Variants in NRG3 observed in about 807,000 individuals in gnomAD.
NRG3 encodes neuregulin 3.
Under a neutral mutation model 66.9 loss-of-function variants are expected in NRG3, and 31 were observed. That is an observed-to-expected ratio of 0.46 (90% CI 0.35 to 0.63). NRG3 has a LOEUF of 0.63. NRG3 is among the 20% of genes least tolerant of loss of function. The pLI is 0.00. For missense variants in NRG3, 910 were observed against 878.9 expected (o/e 1.04, Z -0.45); for synonymous variants, 393 against 359.4 (o/e 1.09, Z -1.06).
chr10:82,330,960 G>T (rs943208591), intron 1 of NRG3, among the ~76,000 whole-genome samples: 1 of 152,114 alleles, frequency 6.6e-6, no homozygotes, highest in Non-Finnish European at 1.5e-5. Context: ...TTTCTCTGCT[G>T]CTTCCTGGCT....
chr10:82,917,037 A>G (rs1319437309), intron 4 of NRG3, among the ~76,000 whole-genome samples: 1 of 152,222 alleles, frequency 6.6e-6, no homozygotes, highest in South Asian at 2.1e-4. Flanking sequence ...ACACATTGGG[A>G]AAGTTTCCAT....
At chr10:81,949,379 G>A (rs531271646) in intron 1 of NRG3, among the ~76,000 whole-genome samples, 1 of 152,240 alleles carries the variant, frequency 6.6e-6, no homozygotes, top group Admixed American at 6.5e-5. Context: ...AGAACAAGTG[G>A]GTAATCCTTA....
At chr10:82,830,649 A>C (rs2062470550) in intron 3 of NRG3, among the ~76,000 whole-genome samples, 2 of 152,168 alleles carry the variant, frequency 1.3e-5, no homozygotes, top group South Asian at 4.1e-4. Flanking sequence ...AGGCTCAAAA[A>C]CGACTGCACA....
chr10:82,300,625 C>T (rs754298670), intron 1 of NRG3, among the ~76,000 whole-genome samples: 34 of 152,102 alleles, frequency 2.2e-4, no homozygotes, highest in Non-Finnish European at 4.7e-4. Context: ...GCCCTGTTTG[C>T]CGTCACCACA....
chr10:82,447,159 T>C (rs929775182), intron 2 of NRG3, among the ~76,000 whole-genome samples: 1 of 152,268 alleles, frequency 6.6e-6, no homozygotes, highest in African/African-American at 2.4e-5. Context: ...TCTCTAGGAA[T>C]GGAGACAGTG....
At chr10:82,465,201 C>G (rs1304200264) in intron 2 of NRG3, among the ~76,000 whole-genome samples, 1 of 152,222 alleles carries the variant, frequency 6.6e-6, no homozygotes, top group Non-Finnish European at 1.5e-5. Flanking sequence ...ATGCTAGGAT[C>G]TTAATTAGGC....
At chr10:82,546,639 T>TA (rs1466592538) in intron 2 of NRG3, among the ~76,000 whole-genome samples, 1 of 152,212 alleles carries the variant, frequency 6.6e-6, no homozygotes, top group East Asian at 1.9e-4. Context: ...AGTGAGTTTT[T>TA]ATAACAAAAG....
In NRG3 at chr10:82,261,496, G is replaced by T. The variant is rs966037489; in HGVS notation, c.824-97243G>T. Among the ~76,000 whole-genome samples, 4 of 152,080 alleles carry T rather than the reference G, an allele frequency of 2.6e-5. No individual in the cohort carries two copies. In the South Asian group the frequency reaches 8.3e-4, roughly 32 times the overall value. ...TGGGTCGTGGAGACCTTAACCCAGC[G>T]GCGCTAGAGGAATTAAAGACACACA... On this transcript the variant is annotated intron_variant, in intron 1 of 8. Transcript: ENST00000372141.
chr10:82,091,066 T>G (rs943975832), intron 1 of NRG3, among the ~76,000 whole-genome samples: 5 of 152,170 alleles, frequency 3.3e-5, no homozygotes, highest in African/African-American at 7.2e-5. Flanking sequence ...CTAGTTTGTT[T>G]TTTTTTTAAT....
intron 3 of NRG3, among the ~76,000 whole-genome samples, chr10:82,739,344 T>G (rs1591370649): frequency 6.6e-6 from 1 of 152,240 alleles, no homozygotes. Flanking sequence ...GTTCTTTCAA[T>G]AGCTGCTAGA....
At chr10:82,372,523 C>T (rs1274976636) in intron 2 of NRG3, among the ~76,000 whole-genome samples, 1 of 152,226 alleles carries the variant, frequency 6.6e-6, no homozygotes, top group Non-Finnish European at 1.5e-5. Flanking sequence ...TAACTTTTAT[C>T]TACATATTTG....
At position 82,532,489 on chromosome 10, in the gene NRG3, A is replaced by C. The variant is rs529020111; in HGVS notation, c.953+173621A>C. On this transcript the variant is annotated intron_variant, in intron 2 of 8. Transcript: ENST00000372141. ...GATTACTATATATATAGTACTCTCT[A>C]TATATAGTACTATATACATCTATAT... 4.3e-3 allele frequency among the ~76,000 whole-genome samples: 639 copies of C among 148,070 alleles called. 5 individuals are homozygous for C. The highest frequency in any genetic ancestry group is 7.1e-3 in the Middle Eastern group (2 of 280).
intron 2 of NRG3, among the ~76,000 whole-genome samples, chr10:82,469,257 G>T (rs1840995730): frequency 6.6e-6 from 1 of 151,684 alleles, no homozygotes; most frequent in African/African-American, 2.4e-5. Flanking sequence ...TTCTTTTCCT[G>T]CTATGAACAC....
At chr10:82,983,316 T>G (rs531949845) in intron 8 of NRG3, among the ~76,000 whole-genome samples, 1 of 152,326 alleles carries the variant, frequency 6.6e-6, no homozygotes, top group South Asian at 2.1e-4. Context: ...TGAAATTGAT[T>G]TATTGATTAG....
intron 4 of NRG3, among the ~76,000 whole-genome samples, chr10:82,932,605 C>G (rs1431278143): frequency 6.6e-6 from 1 of 152,140 alleles, no homozygotes; most frequent in Non-Finnish European, 1.5e-5. Context: ...CAGCATCCAA[C>G]TCAGCAGGAT....
chr10:82,300,946 C>T (rs1411110485), intron 1 of NRG3, among the ~76,000 whole-genome samples: 1 of 151,792 alleles, frequency 6.6e-6, no homozygotes, highest in Admixed American at 6.6e-5. Context: ...GCCTGGGCAA[C>T]CTACCAAGAC....
intron 1 of NRG3, among the ~76,000 whole-genome samples, chr10:81,960,708 T>C (rs1340923682): frequency 1.3e-5 from 2 of 151,130 alleles, no homozygotes; most frequent in African/African-American, 2.4e-5. Flanking sequence ...AGCCTGGGCG[T>C]TCCTTTGCCA....
At chr10:81,991,548 T>G (rs564637820) in intron 1 of NRG3, among the ~76,000 whole-genome samples, 1 of 152,302 alleles carries the variant, frequency 6.6e-6, no homozygotes, top group African/African-American at 2.4e-5. Context: ...CATGGGTGAT[T>G]GTAGGCATAA....
chr10:82,061,873 A>T (rs901866292), intron 1 of NRG3, among the ~76,000 whole-genome samples: 1 of 76,460 alleles, frequency 1.3e-5, no homozygotes, highest in Non-Finnish European at 2.7e-5. Flanking sequence ...ACACACACAA[A>T]CACACACACA....
Sources: gnomAD v4.1 joint callset for allele counts (sites outside exome capture counted in the v4.1 genomes callset) on GRCh38, gnomAD v4.1.1 for gene constraint, MANE v1.5 for transcripts, NCBI Gene and HGNC (gene_info 2026-07-23, HGNC 2026-07-21) for gene names.